The following LPP variants were observed in gnomAD, a reference collection of about 807,000 sequenced individuals.
LPP encodes LIM domain containing preferred translocation partner in lipoma.
LPP carries 38 observed loss-of-function variants against 60.4 expected under a neutral mutation model. The observed-to-expected ratio is 0.63, with a 90% CI of 0.49 to 0.83. The LOEUF (loss-of-function observed/expected upper bound fraction) is 0.83, where lower values mean the gene tolerates loss of function less well. LPP is among the 40% of genes least tolerant of loss of function. LPP has a pLI of 0.00. For missense variants in LPP, 902 were observed against 783.6 expected, an observed-to-expected ratio of 1.15 and a Z score of -1.80; for synonymous variants, 328 against 290.8, an observed-to-expected ratio of 1.13 and a Z score of -1.30.
At chr3:188,763,170 A>C (rs1732966124) in intron 9 of LPP, among the ~76,000 whole-genome samples, 1 of 152,186 alleles carries the variant, frequency 6.6e-6, no homozygotes. Flanking sequence ...CTTTGGTTAC[A>C]CTGTTGAAAA....
At chr3:188,722,741 A>T (rs1716942859) in intron 8 of LPP, among the ~76,000 whole-genome samples, 1 of 152,236 alleles carries the variant, frequency 6.6e-6, no homozygotes, top group African/African-American at 2.4e-5. Flanking sequence ...AAAGATAATT[A>T]TCCCTATCTA....
At chr3:188,822,346 A>G (rs1186510989) in intron 9 of LPP, among the ~76,000 whole-genome samples, 1 of 152,174 alleles carries the variant, frequency 6.6e-6, no homozygotes, top group Admixed American at 6.6e-5. Context: ...TTAAGGTTTC[A>G]GGAAGGTCTG....
chr3:188,734,725 C>T (rs1721888569), intron 8 of LPP, among the ~76,000 whole-genome samples: 1 of 152,198 alleles, frequency 6.6e-6, no homozygotes, highest in Non-Finnish European at 1.5e-5. Flanking sequence ...TTAGGAGCAG[C>T]CCTGCCTGAA....
In LPP at chr3:188,586,910, G is replaced by C. The variant is rs571717940; in HGVS notation, c.430-22251G>C. 5.3e-5 allele frequency among the ~76,000 whole-genome samples: 8 copies of C among 151,894 alleles called. No individual in the cohort carries two copies. In the South Asian group the frequency reaches 1.3e-3, roughly 24 times the overall value. ...GCCCAGCTAATTTTTGTATTTTTTAGTAGAGACGGGGGTTTCCACCATATT... is the reference window on the plus strand; with the variant it reads ...GCCCAGCTAATTTTTGTATTTTTTACTAGAGACGGGGGTTTCCACCATATT... On this transcript the variant is annotated intron_variant, in intron 6 of 11. Coordinates refer to ENST00000617246, the MANE Select transcript of LPP (RefSeq NM_001375462.1).
At chr3:188,363,883 C>A (rs9848418) in intron 3 of LPP, among the ~76,000 whole-genome samples, 6 of 122,850 alleles carry the variant, frequency 4.9e-5, no homozygotes, top group African/African-American at 1.5e-4. Flanking sequence ...CCAGCCTGGA[C>A]GAAAGAGTGA....
intron 3 of LPP, among the ~76,000 whole-genome samples, chr3:188,373,863 C>A (rs977846336): frequency 2.0e-5 from 3 of 151,876 alleles, no homozygotes; most frequent in African/African-American, 7.3e-5. Context: ...AGTCTTTAAT[C>A]CATCTTGAAT....
rs1579009820 is a variant in LPP at position 188,452,905 on chromosome 3, C to T, written c.194-31687C>T. Among the ~76,000 whole-genome samples the T allele has an allele frequency of 2.0e-5, 3 of 152,184 alleles. 1 individual carries two copies. Among genetic ancestry groups the T allele is most frequent in the African/African-American group, 4.8e-5 (2 of 41,518 alleles). On this transcript the variant is annotated intron_variant, in intron 4 of 11. Coordinates refer to ENST00000617246, the MANE Select transcript of LPP (RefSeq NM_001375462.1). Reference sequence around the variant, plus strand: ...TATCTCTTTCTCGTACTATTTTGCCCCTGATGCTGTTTCTTTCTTTATTTT... The same window carrying T: ...TATCTCTTTCTCGTACTATTTTGCCTCTGATGCTGTTTCTTTCTTTATTTT...
intron 8 of LPP, among the ~76,000 whole-genome samples, chr3:188,729,357 G>A (rs545232628): frequency 4.5e-4 from 69 of 152,318 alleles, no homozygotes; most frequent in African/African-American, 1.6e-3. Flanking sequence ...ATGTTTACCT[G>A]TGCAAAATGG....
chr3:188,178,647 T>G (rs1723828107), intron 1 of LPP: 2 of 152,636 alleles, frequency 1.3e-5, no homozygotes, highest in Non-Finnish European at 2.9e-5. Flanking sequence ...TGTTCTGCAC[T>G]TTGCAAAAGG....
At chr3:188,631,568 G>GTA (rs1847855394) in intron 7 of LPP, among the ~76,000 whole-genome samples, 1 of 152,136 alleles carries the variant, frequency 6.6e-6, no homozygotes, top group Non-Finnish European at 1.5e-5. Context: ...TACTCCACAT[G>GTA]TATACTTTTA....
At chr3:188,865,643 C>T (rs1045091495) in intron 9 of LPP, among the ~76,000 whole-genome samples, 2 of 151,462 alleles carry the variant, frequency 1.3e-5, no homozygotes, top group Non-Finnish European at 2.9e-5. Flanking sequence ...GTTCAAGGGT[C>T]AACAAACTAT....
At chr3:188,743,352 G>C (rs532403011) in intron 8 of LPP, among the ~76,000 whole-genome samples, 4 of 152,126 alleles carry the variant, frequency 2.6e-5, no homozygotes, top group South Asian at 2.1e-4. Context: ...GGACATTTGA[G>C]ACGAAATTGA....
At chr3:188,250,964 CT>C (rs1273678575) in intron 2 of LPP, among the ~76,000 whole-genome samples, 2 of 38,810 alleles carry the variant, frequency 5.2e-5, no homozygotes, top group African/African-American at 1.1e-4. Flanking sequence ...CTTCCCTTCC[CT>C]TCCCTTCCCT....
intron 2 of LPP, among the ~76,000 whole-genome samples, chr3:188,268,499 T>G (rs915007491): frequency 2.0e-5 from 3 of 152,232 alleles, no homozygotes; most frequent in African/African-American, 7.2e-5. Flanking sequence ...CAGAAACAGC[T>G]GGACTGGTTA....
intron 2 of LPP, among the ~76,000 whole-genome samples, chr3:188,298,167 T>C (rs1748563774): frequency 6.6e-6 from 1 of 152,236 alleles, no homozygotes. Flanking sequence ...TTCCCAATTG[T>C]GGTAGCAAGC....
At chr3:188,230,216 G>T (rs981519868) in intron 2 of LPP, among the ~76,000 whole-genome samples, 1 of 151,980 alleles carries the variant, frequency 6.6e-6, no homozygotes, top group Non-Finnish European at 1.5e-5. Flanking sequence ...TGCCCGAGTA[G>T]CTGGGACTAC....
intron 5 of LPP, among the ~76,000 whole-genome samples, chr3:188,506,196 C>T (rs1813402685): frequency 6.6e-6 from 1 of 152,108 alleles, no homozygotes; most frequent in African/African-American, 2.4e-5. Flanking sequence ...GTGGCATGAG[C>T]CCAGGGTTTA....
chr3:188,370,339 G>A (rs569694056), intron 3 of LPP, among the ~76,000 whole-genome samples: 49 of 152,296 alleles, frequency 3.2e-4, no homozygotes, highest in Non-Finnish European at 6.3e-4. Flanking sequence ...CCTACAAGTG[G>A]TGGGGCTGGA....
intron 9 of LPP, among the ~76,000 whole-genome samples, chr3:188,782,891 C>T (rs925949260): frequency 1.2e-4 from 18 of 152,130 alleles, no homozygotes; most frequent in Admixed American, 1.2e-3. Flanking sequence ...TATCTCCCTT[C>T]CCCACTCCTT....
Sources: allele counts gnomAD v4.1 joint callset (sites outside exome capture counted in the v4.1 genomes callset), GRCh38; gene constraint gnomAD v4.1.1; transcripts MANE v1.5; gene names NCBI Gene and HGNC (gene_info 2026-07-23, HGNC 2026-07-21).